The following DNAH10 variants were observed in gnomAD, a reference collection of about 807,000 sequenced individuals.
DNAH10 encodes the protein axonemal beta dynein heavy chain 10.
DNAH10 carries 348 observed loss-of-function variants against 506.6 expected under a neutral mutation model. That is an observed-to-expected ratio of 0.69 (90% CI 0.63 to 0.75). DNAH10 has a LOEUF of 0.75. Among genes scored for constraint, DNAH10 ranks in the 30% least tolerant of loss-of-function variants. DNAH10 has a pLI of 0.00. For missense variants in DNAH10, 5,179 were observed against 5,787.1 expected (o/e 0.89, Z 3.41); for synonymous variants, 2,059 against 2,198.6 (o/e 0.94, Z 1.78).
rs533413596 is a variant in DNAH10 at position 123,893,011 on chromosome 12, G to A, written c.8996-222G>A. On this transcript the variant is annotated intron_variant, in intron 52 of 78. Coordinates refer to ENST00000673944, the MANE Select transcript of DNAH10 (RefSeq NM_001372106.1). ...GATGCTCACGGTCATCCTCCCAGGC[G>A]AGCTGGCGGCATCTAGGATCCCCGT... is the stretch of plus-strand genomic sequence containing the variant. Among the ~76,000 whole-genome samples the A allele has an allele frequency of 1.9e-4, 29 of 152,328 alleles. No individual in the cohort carries two copies. The East Asian group carries it at 2.1e-3, about 11-fold the overall frequency.
rs1958075741 is a variant in DNAH10, at chr12:123,791,405, A to G, written c.1815+1284A>G. On this transcript the variant is annotated intron_variant, in intron 11 of 78. Transcript: ENST00000673944. ...AGCGTAATTAGGAGCATCCCCATTT[A>G]TGTCTTACACAGTTGTTTTTATAAC... Among the ~76,000 whole-genome samples the G allele has an allele frequency of 2.6e-5, 4 of 152,106 alleles. No homozygotes were observed. In the South Asian group the frequency reaches 8.3e-4, roughly 32 times the overall value.
At chr12:123,839,072 C>T (rs551971584) in intron 29 of DNAH10, among the ~76,000 whole-genome samples, 1 of 152,256 alleles carries the variant, frequency 6.6e-6, no homozygotes, top group African/African-American at 2.4e-5. Flanking sequence ...CCTCGGCCTC[C>T]CAAAGTGGGA....
At chr12:123,921,814 A>G (rs902724611) in intron 65 of DNAH10, among the ~76,000 whole-genome samples, 2 of 143,174 alleles carry the variant, frequency 1.4e-5, no homozygotes, top group African/African-American at 2.6e-5. Flanking sequence ...CCTGGGTTCA[A>G]GTGATTCTCC....
chr12:123,934,930 T>G, intron 78 of DNAH10, 164 bp downstream of exon 78: 1 of 959,456 alleles, frequency 1.0e-6, no homozygotes, highest in Non-Finnish European at 1.5e-6. Flanking sequence ...GGATAGCTGC[T>G]TCCTGGAAAA....
rs781755032 is a variant in DNAH10 at position 123,808,962 on chromosome 12, G to A, written c.3144+9G>A. 6.8e-6 allele frequency: 11 copies of A among 1,613,718 alleles called. No individual in the cohort carries two copies. Among genetic ancestry groups the A allele is most frequent in the Non-Finnish European group, 8.5e-6 (10 of 1,179,906 alleles). On this transcript the variant is annotated intron_variant, in intron 19 of 78. Transcript: ENST00000673944. ...GCGTGGAGATCACCAAGGTGAGAGC[G>A]GAGGTGCTTGTGTCCTTGCTCAGAC... is the stretch of plus-strand genomic sequence containing the variant.
Position 123,826,677 on chromosome 12 carries a change from A to T in DNAH10, c.4180-10A>T. On this transcript the variant is annotated splice_polypyrimidine_tract_variant and intron_variant, in intron 24 of 78. Transcript: ENST00000673944. ...CTTTGTTGATGGAGCTGTTCCTTGC[A>T]CGTTTCCAGGTTGCAAAAGAAGAAT... The T allele has an allele frequency of 6.2e-7, 1 of 1,611,812 alleles. No individual in the cohort carries two copies. The highest frequency in any genetic ancestry group is 8.5e-7 in the Non-Finnish European group (1 of 1,178,844).
chr12:123,826,988 T>C, intron 25 of DNAH10, 90 bp downstream of exon 25: 1 of 1,193,468 alleles, frequency 8.4e-7, no homozygotes, highest in Non-Finnish European at 1.2e-6. Context: ...TTTGGTCTGA[T>C]GATGAAGCAC....
intron 52 of DNAH10, among the ~76,000 whole-genome samples, chr12:123,887,819 ACT>A (rs1952807141): frequency 6.6e-6 from 1 of 150,454 alleles, no homozygotes; most frequent in Admixed American, 6.7e-5. Context: ...ATCTTGGCTC[ACT>A]GCAAGCTCCG....
At chr12:123,908,306 C>T (rs1243372431) in intron 57 of DNAH10, 1 of 455,892 alleles carries the variant, frequency 2.2e-6, no homozygotes, top group Non-Finnish European at 4.4e-6. Context: ...CTCTGTCCCT[C>T]CATCCCCCTC....
At chr12:123,818,524 AT>A (rs556110080) in intron 21 of DNAH10, among the ~76,000 whole-genome samples, 1 of 151,998 alleles carries the variant, frequency 6.6e-6, no homozygotes, top group South Asian at 2.1e-4. Context: ...GGATTTCACC[AT>A]GTTGTCCAGG....
At chr12:123,910,810 A>G (rs1442385683) in intron 59 of DNAH10, 138 bp downstream of exon 59, 1 of 1,074,640 alleles carries the variant, frequency 9.3e-7, no homozygotes, top group African/African-American at 1.7e-5. Flanking sequence ...TCCACCACCC[A>G]ATAAATGGCA....
intron 21 of DNAH10, among the ~76,000 whole-genome samples, chr12:123,815,291 C>T (rs1594097818): frequency 6.6e-6 from 1 of 151,874 alleles, no homozygotes; most frequent in African/African-American, 2.4e-5. Flanking sequence ...TTTTTAGATG[C>T]TCTTGTAATT....
At chr12:123,934,086 C>T (rs1301319144) in intron 77 of DNAH10, 1 of 604,454 alleles carries the variant, frequency 1.7e-6, no homozygotes, top group Non-Finnish European at 3.0e-6. Flanking sequence ...AGGGACTCTC[C>T]AGGTCTCAGT....
In DNAH10 at chr12:123,857,166, C is replaced by T. The variant is rs1196750598; in HGVS notation, c.6549C>T (p.Cys2183=). The change falls in exon 37 of 79, where the codon TGC becomes TGT. Residue 2183 remains cysteine, a synonymous_variant. Coordinates refer to ENST00000673944, the MANE Select transcript of DNAH10 (RefSeq NM_001372106.1). ...LISDLFPGLD[C]PRVRYPDFND... ...CGGATCTGTTTCCTGGGCTGGACTG[C>T]CCTCGCGTCCGCTACCCTGACTTCA... The T allele has an allele frequency of 6.2e-7, 1 of 1,609,710 alleles. No individual in the cohort carries two copies. The highest frequency in any genetic ancestry group is 8.5e-7 in the Non-Finnish European group (1 of 1,178,156).
chr12:123,909,309 C>T lies in DNAH10; in HGVS notation c.9864C>T (p.Ile3288=). 6.2e-7 allele frequency: 1 copy of T among 1,613,482 alleles called. No homozygotes were observed. The highest frequency in any genetic ancestry group is 8.5e-7 in the Non-Finnish European group (1 of 1,179,742). Residue 3288 remains isoleucine (I), a synonymous_variant, in exon 58 of 79, where the codon ATC becomes ATT. Coordinates refer to ENST00000673944, the MANE Select transcript of DNAH10 (RefSeq NM_001372106.1). This position sits in a 1 kb window ranked among gnomAD's most constrained non-coding sequence, Gnocchi z 5.4. ...PKQVQTVCEC[I]LIMKGYKELN... Reference sequence around the variant, plus strand: ...AGGTGCAGACGGTCTGCGAATGCATCCTCATCATGAAAGGGTACAAAGAGC... The same window carrying T: ...AGGTGCAGACGGTCTGCGAATGCATTCTCATCATGAAAGGGTACAAAGAGC...
chr12:123,819,951 C>T (rs1368215823), intron 23 of DNAH10, among the ~76,000 whole-genome samples: 1 of 151,930 alleles, frequency 6.6e-6, no homozygotes, highest in Admixed American at 6.6e-5. Context: ...GTGATCCTCC[C>T]GCCTCAGCCT....
rs1428851490 is a variant in DNAH10, at chr12:123,913,210, C to A, written c.10247C>A (p.Ala3416Asp). The A allele has an allele frequency of 2.5e-6, 4 of 1,610,080 alleles. No homozygotes were observed. In the East Asian group the frequency reaches 6.7e-5, roughly 27 times the overall value. The change falls in exon 60 of 79, where the codon GCC (alanine) becomes GAC (aspartate). Residue 3416 changes from alanine to aspartate, a missense_variant. Physicochemically the swap from Ala to Asp is moderately radical, Grantham distance 126. Coordinates refer to ENST00000673944, the MANE Select transcript of DNAH10 (RefSeq NM_001372106.1). This position sits in a 1 kb window ranked among gnomAD's most constrained non-coding sequence, Gnocchi z 5.1. ...ELETLGAKYE[A>D]AILEKQKLQE... ...GAAACATTGGGTGCCAAATATGAGGCCGCCATACTGGAAAAGCAGAAGCTG... is the reference window on the plus strand; with the variant it reads ...GAAACATTGGGTGCCAAATATGAGGACGCCATACTGGAAAAGCAGAAGCTG...
At position 123,909,406 on chromosome 12, in the gene DNAH10, G is replaced by A; in HGVS notation, c.9961G>A (p.Asp3321Asn). The change falls in exon 58 of 79, where the codon GAT becomes AAT. Residue 3321 changes from aspartate (D) to asparagine (N), a missense_variant. This residue lies in a region of DNAH10 where 4,844 missense variants were observed against 5,430.5 expected (regional missense o/e 0.89). Coordinates refer to ENST00000673944, the MANE Select transcript of DNAH10 (RefSeq NM_001372106.1). This position sits in a 1 kb window ranked among gnomAD's most constrained non-coding sequence, Gnocchi z 5.4. Reference sequence around the variant, plus strand: ...GCGGTCTCTGATGGAGATTGATTTTGATTCGATTACCCAGAGCCAAGTGAA... The same window carrying A: ...GCGGTCTCTGATGGAGATTGATTTTAATTCGATTACCCAGAGCCAAGTGAA... ...FLRSLMEIDF[D>N]SITQSQVKNI... The A allele has an allele frequency of 6.2e-7, 1 of 1,608,452 alleles. No individual in the cohort carries two copies. Among genetic ancestry groups the A allele is most frequent in the Non-Finnish European group, 8.5e-7 (1 of 1,177,170 alleles).
chr12:123,858,749 G>A (rs979121227), intron 37 of DNAH10, among the ~76,000 whole-genome samples: 1 of 152,154 alleles, frequency 6.6e-6, no homozygotes, highest in African/African-American at 2.4e-5. Flanking sequence ...ATATATTTTG[G>A]CCATAGAAAG....
Sources: allele counts gnomAD v4.1 joint callset (sites outside exome capture counted in the v4.1 genomes callset), GRCh38; gene constraint gnomAD v4.1.1; regional missense constraint gnomAD v4.1.1; non-coding constraint Gnocchi (gnomAD v3.1); transcripts MANE v1.5; gene names NCBI Gene and HGNC (gene_info 2026-07-23, HGNC 2026-07-21).